The following LRRC4C variants were observed in gnomAD, a reference collection of about 807,000 sequenced individuals.
LRRC4C encodes the protein leucine rich repeat containing 4C.
LRRC4C carries 5 observed loss-of-function variants against 33.6 expected under a neutral mutation model. That is an observed-to-expected ratio of 0.15 (90% CI 0.08 to 0.31). LRRC4C has a LOEUF of 0.31. LRRC4C is among the 10% of genes least tolerant of loss of function. The pLI, the probability that LRRC4C is intolerant of heterozygous loss-of-function variation, is 1.00. For missense variants in LRRC4C, 560 were observed against 796.7 expected (o/e 0.70, Z 3.58); for synonymous variants, 329 against 302.0 (o/e 1.09, Z -0.93).
At chr11:41,380,832 C>A (rs1254124277) in intron 1 of LRRC4C, among the ~76,000 whole-genome samples, 1 of 152,068 alleles carries the variant, frequency 6.6e-6, no homozygotes. Flanking sequence ...CTGTCTGTCT[C>A]TCTCTCTTTC....
At chr11:40,286,160 T>C (rs1943823477) in intron 4 of LRRC4C, among the ~76,000 whole-genome samples, 1 of 152,118 alleles carries the variant, frequency 6.6e-6, no homozygotes, top group South Asian at 2.1e-4. Context: ...CTATCATTTT[T>C]CCTGTAAAGA....
At chr11:40,866,487 A>T (rs11036108) in intron 2 of LRRC4C, among the ~76,000 whole-genome samples, 12,027 of 152,142 alleles carry the variant, frequency 0.079, 579 homozygotes, top group Admixed American at 0.17. Context: ...AATTGACTAG[A>T]CATGTGGTTG....
At chr11:40,615,735 C>G (rs1447712518) in intron 3 of LRRC4C, among the ~76,000 whole-genome samples, 1 of 151,672 alleles carries the variant, frequency 6.6e-6, no homozygotes, top group Non-Finnish European at 1.5e-5. Flanking sequence ...TAAACACCGG[C>G]TATGCAGGAA....
At chr11:41,284,542 T>C (rs1232549677) in intron 1 of LRRC4C, among the ~76,000 whole-genome samples, 1 of 152,174 alleles carries the variant, frequency 6.6e-6, no homozygotes, top group Non-Finnish European at 1.5e-5. Flanking sequence ...ACCACTGACG[T>C]CCACTGACAG....
At chr11:40,539,322 A>G (rs181546950) in intron 3 of LRRC4C, among the ~76,000 whole-genome samples, 14 of 152,286 alleles carry the variant, frequency 9.2e-5, no homozygotes, top group Non-Finnish European at 1.8e-4. Flanking sequence ...TATGCTCAGT[A>G]GTACCTATAT....
At chr11:41,159,326 A>G (rs531688538) in intron 1 of LRRC4C, among the ~76,000 whole-genome samples, 1 of 152,174 alleles carries the variant, frequency 6.6e-6, no homozygotes, top group East Asian at 1.9e-4. Context: ...AAACATTAAA[A>G]TTAAAGAAAA....
At chr11:41,363,383 C>T (rs993278509) in intron 1 of LRRC4C, among the ~76,000 whole-genome samples, 1 of 152,190 alleles carries the variant, frequency 6.6e-6, no homozygotes, top group African/African-American at 2.4e-5. Flanking sequence ...AACAGCCCCA[C>T]TGTAAGATGT....
chr11:40,290,227 T>C, intron 4 of LRRC4C, among the ~76,000 whole-genome samples: 1 of 152,134 alleles, frequency 6.6e-6, no homozygotes, highest in East Asian at 1.9e-4. Context: ...TTAATATAAC[T>C]TGAGTCATTC....
chr11:41,208,743 C>T lies in LRRC4C; in HGVS notation c.-496+250688G>A, dbSNP rs12289294. ...GACAATTCAGAGATCATCTGGGCTG[C>T]TATTCCTACCATAAACCAAGCAGAC... On this transcript the variant is annotated intron_variant, in intron 1 of 6. Transcript: ENST00000528697. Among the ~76,000 whole-genome samples the T allele has an allele frequency of 4.2e-3, 645 of 152,318 alleles. 6 individuals are homozygous for T. The highest frequency in any genetic ancestry group is 0.014 in the African/African-American group (593 of 41,574).
chr11:40,971,739 T>C (rs1194330504), intron 1 of LRRC4C, among the ~76,000 whole-genome samples: 1 of 152,124 alleles, frequency 6.6e-6, no homozygotes, highest in East Asian at 1.9e-4. Flanking sequence ...GCACCAGCCC[T>C]TGAGAGCAGC....
chr11:41,279,148 T>A (rs1565541918), intron 1 of LRRC4C, among the ~76,000 whole-genome samples: 3 of 152,202 alleles, frequency 2.0e-5, no homozygotes, highest in Non-Finnish European at 4.4e-5. Flanking sequence ...TTTGTTCTTT[T>A]ATGTGGCTGT....
intron 1 of LRRC4C, among the ~76,000 whole-genome samples, chr11:41,116,673 A>G (rs766696109): frequency 2.0e-5 from 3 of 152,130 alleles, no homozygotes; most frequent in Non-Finnish European, 4.4e-5. Flanking sequence ...TGCTAAAACC[A>G]ATGAAAATGA....
intron 2 of LRRC4C, among the ~76,000 whole-genome samples, chr11:40,766,527 TG>T (rs142489330): frequency 0.027 from 4,041 of 151,586 alleles, 190 homozygotes; most frequent in African/African-American, 0.094. Flanking sequence ...GAAGAACTGA[TG>T]AAAAAAATAA....
chr11:41,261,363 A>C, intron 1 of LRRC4C, among the ~76,000 whole-genome samples: 1 of 151,964 alleles, frequency 6.6e-6, no homozygotes, highest in Admixed American at 6.6e-5. Context: ...AGTATAAGGT[A>C]TTTTTTTTGT....
At chr11:40,464,427 G>A (rs1424168506) in intron 3 of LRRC4C, among the ~76,000 whole-genome samples, 1 of 151,890 alleles carries the variant, frequency 6.6e-6, no homozygotes, top group African/African-American at 2.4e-5. Flanking sequence ...GGCAAGGATG[G>A]CCACTTTCAC....
At chr11:40,443,253 G>T (rs1260956724) in intron 3 of LRRC4C, among the ~76,000 whole-genome samples, 1 of 152,080 alleles carries the variant, frequency 6.6e-6, no homozygotes, top group African/African-American at 2.4e-5. Context: ...CCCTGTAGTT[G>T]GGAAAGACAA....
intron 1 of LRRC4C, among the ~76,000 whole-genome samples, chr11:41,017,103 C>T (rs181604073): frequency 2.6e-5 from 4 of 152,258 alleles, no homozygotes; most frequent in Admixed American, 2.6e-4. Flanking sequence ...ATACTAAGGA[C>T]TTGTTTCTTT....
chr11:40,545,330 A>G (rs1336942996), intron 3 of LRRC4C, among the ~76,000 whole-genome samples: 1 of 152,082 alleles, frequency 6.6e-6, no homozygotes. Context: ...TGAACCGATT[A>G]GAATAATAGA....
At chr11:40,492,711 G>A (rs1954222226) in intron 3 of LRRC4C, among the ~76,000 whole-genome samples, 1 of 152,080 alleles carries the variant, frequency 6.6e-6, no homozygotes, top group African/African-American at 2.4e-5. Context: ...CACAAAAAAA[G>A]TTATGAAATA....
Sources: allele counts gnomAD v4.1 joint callset (sites outside exome capture counted in the v4.1 genomes callset), GRCh38; gene constraint gnomAD v4.1.1; transcripts MANE v1.5; gene names NCBI Gene and HGNC (gene_info 2026-07-23, HGNC 2026-07-21).